SVIL: variants seen among roughly 807,000 people sequenced by gnomAD.
SVIL encodes archvillin.
SVIL carries 101 observed loss-of-function variants against 240.4 expected under a neutral mutation model. That is an observed-to-expected ratio of 0.42 (90% CI 0.36 to 0.50). SVIL has a LOEUF of 0.50. SVIL is among the 20% of genes least tolerant of loss of function. The pLI, the probability that SVIL is intolerant of heterozygous loss-of-function variation, is 0.01. For synonymous variants in SVIL, 999 were observed against 1,100.0 expected, an observed-to-expected ratio of 0.91 and a Z score of 1.82; for missense variants, 2,512 against 2,818.7, an observed-to-expected ratio of 0.89 and a Z score of 2.46.
intron 6 of SVIL, among the ~76,000 whole-genome samples, chr10:29,536,488 T>C (rs1160060006): frequency 3.3e-5 from 5 of 152,246 alleles, no homozygotes; most frequent in African/African-American, 4.8e-5. Flanking sequence ...CACATTTTGC[T>C]ATAGAGTTCA....
intron 1 of SVIL, among the ~76,000 whole-genome samples, chr10:29,608,607 C>G (rs1328910608): frequency 6.6e-6 from 1 of 152,266 alleles, no homozygotes; most frequent in East Asian, 1.9e-4. Context: ...TCCAAGTGCC[C>G]GCTCCAGTGC....
At chr10:29,624,285 C>T (rs1209914805) in intron 1 of SVIL, among the ~76,000 whole-genome samples, 1 of 151,992 alleles carries the variant, frequency 6.6e-6, no homozygotes, top group African/African-American at 2.4e-5. Flanking sequence ...CACATGTAAT[C>T]CCAACCCTCT....
intron 5 of SVIL, among the ~76,000 whole-genome samples, chr10:29,554,115 G>C (rs1205169075): frequency 6.6e-6 from 1 of 152,086 alleles, no homozygotes; most frequent in African/African-American, 2.4e-5. Flanking sequence ...CGTGAGGCGG[G>C]GCAGAGATGA....
At chr10:29,665,423 T>C (rs73596071) in intron 2 of SVIL, among the ~76,000 whole-genome samples, 1,549 of 152,078 alleles carry the variant, frequency 0.01, 31 homozygotes, top group African/African-American at 0.035. Flanking sequence ...ACTTCATAGG[T>C]GCACATTTTC....
intron 3 of SVIL, among the ~76,000 whole-genome samples, chr10:29,649,758 A>G (rs1276845320): frequency 1.3e-5 from 2 of 152,200 alleles, no homozygotes; most frequent in Non-Finnish European, 2.9e-5. Flanking sequence ...TGCTCAAAAT[A>G]TGATTGCTAT....
chr10:29,593,532 A>T (rs571117812), intron 1 of SVIL, among the ~76,000 whole-genome samples: 1 of 152,186 alleles, frequency 6.6e-6, no homozygotes, highest in Non-Finnish European at 1.5e-5. Flanking sequence ...TCACTAAAAC[A>T]TGAACAGGGT....
chr10:29,598,936 T>C (rs1956705013), intron 1 of SVIL, among the ~76,000 whole-genome samples: 1 of 152,218 alleles, frequency 6.6e-6, no homozygotes, highest in Non-Finnish European at 1.5e-5. Context: ...CATGAGCTAA[T>C]GCACAGGCCA....
At chr10:29,622,279 C>G (rs1361017007) in intron 1 of SVIL, among the ~76,000 whole-genome samples, 1 of 114,154 alleles carries the variant, frequency 8.8e-6, no homozygotes, top group Non-Finnish European at 1.9e-5. Flanking sequence ...AAAAAAAGAA[C>G]CTTGGAAACA....
At chr10:29,580,828 T>A (rs1440175461) in intron 1 of SVIL, among the ~76,000 whole-genome samples, 1 of 152,110 alleles carries the variant, frequency 6.6e-6, no homozygotes, top group African/African-American at 2.4e-5. Context: ...TTTTTGAAAT[T>A]TGTAGACATG....
At chr10:29,522,662 A>ATCAGC (rs1950638369) in intron 15 of SVIL, 27 bp from the exon 16 acceptor site, 1 of 1,606,310 alleles carries the variant, frequency 6.2e-7, no homozygotes, top group Admixed American at 1.7e-5. Context: ...CAACATCAGC[A>ATCAGC]CTGAACTCCT....
intron 3 of SVIL, among the ~76,000 whole-genome samples, chr10:29,556,875 G>A (rs746843342): frequency 6.6e-6 from 1 of 152,082 alleles, no homozygotes; most frequent in African/African-American, 2.4e-5. Context: ...AAACCAAAGG[G>A]TTTTAATTAT....
intron 2 of SVIL, among the ~76,000 whole-genome samples, chr10:29,564,266 GC>G (rs1461168667): frequency 1.3e-5 from 2 of 152,114 alleles, no homozygotes; most frequent in Non-Finnish European, 2.9e-5. Context: ...TACATGATTT[GC>G]CCAAAGACTC....
intron 16 of SVIL, among the ~76,000 whole-genome samples, chr10:29,516,970 A>G (rs1950243865): frequency 6.6e-6 from 1 of 152,188 alleles, no homozygotes; most frequent in African/African-American, 2.4e-5. Flanking sequence ...TTTTCCCTTC[A>G]TTTTAGAGAA....
chr10:29,683,270 AGGGAT>A (rs1477971839), intron 2 of SVIL, among the ~76,000 whole-genome samples: 4 of 152,224 alleles, frequency 2.6e-5, no homozygotes, highest in Admixed American at 2.6e-4. Context: ...ATCAATAAGA[AGGGAT>A]GTCTGGTTAA....
intron 1 of SVIL, among the ~76,000 whole-genome samples, chr10:29,585,328 C>A (rs1391486509): frequency 6.6e-6 from 1 of 152,034 alleles, no homozygotes; most frequent in African/African-American, 2.4e-5. Context: ...CCACAAAGTG[C>A]AGATATTACA....
chr10:29,495,356 G>A (rs1209600352), intron 18 of SVIL, among the ~76,000 whole-genome samples, 175 bp from the exon 19 acceptor site: 2 of 150,920 alleles, frequency 1.3e-5, no homozygotes, highest in Non-Finnish European at 2.9e-5. Context: ...ACAACCAACT[G>A]CAAACGTAGA....
intron 1 of SVIL, among the ~76,000 whole-genome samples, chr10:29,612,280 T>C (rs966773816): frequency 3.3e-5 from 5 of 152,202 alleles, no homozygotes; most frequent in African/African-American, 1.2e-4. Flanking sequence ...ATCAGACCCC[T>C]TGTTCCAGTG....
chr10:29,536,119 A>T (rs1462030132), intron 6 of SVIL, 50 bp from the exon 7 acceptor site: 1 of 1,537,620 alleles, frequency 6.5e-7, no homozygotes, highest in Non-Finnish European at 9.0e-7. Flanking sequence ...AAACGTCAAC[A>T]TATACACAGA....
intron 6 of SVIL, among the ~76,000 whole-genome samples, chr10:29,545,472 T>C (rs190130317): frequency 6.6e-6 from 1 of 152,078 alleles, no homozygotes; most frequent in East Asian, 1.9e-4. Context: ...CACAATTTGC[T>C]AAAGAGAAAA....
Sources: gnomAD v4.1 joint callset for allele counts (sites outside exome capture counted in the v4.1 genomes callset) on GRCh38, gnomAD v4.1.1 for gene constraint, MANE v1.5 for transcripts, NCBI Gene and HGNC (gene_info 2026-07-23, HGNC 2026-07-21) for gene names.